RAB35: variants seen among roughly 807,000 people sequenced by gnomAD.
RAB35 encodes ras-related protein Rab-35.
A neutral mutation model predicts 28.9 loss-of-function variants in RAB35; 4 were observed. The observed-to-expected ratio is 0.14, with a 90% CI of 0.07 to 0.32. RAB35 has a LOEUF of 0.32. RAB35 is among the 10% of genes least tolerant of loss of function. The probability of loss-of-function intolerance (pLI) is 1.00; values close to 1 mark genes in which losing one functional copy is unlikely to be tolerated. For missense variants in RAB35, 128 were observed against 274.0 expected (o/e 0.47, Z 3.76); for synonymous variants, 99 against 105.1 (o/e 0.94, Z 0.35).
At chr12:120,098,529 A>T (rs1875528179) in intron 5 of RAB35, among the ~76,000 whole-genome samples, 1 of 152,228 alleles carries the variant, frequency 6.6e-6, no homozygotes. Context: ...TGTGGGACAG[A>T]GGTTTACTCA....
At chr12:120,108,890 A>C (rs150620657) in intron 1 of RAB35, among the ~76,000 whole-genome samples, 6 of 152,326 alleles carry the variant, frequency 3.9e-5, no homozygotes, top group African/African-American at 1.4e-4. Context: ...GCCGCCCAAA[A>C]TGAAGAGCTG....
At position 120,096,791 on chromosome 12, in the gene RAB35, C is replaced by T. The variant is rs1413357095; in HGVS notation, c.*454G>A. ...GCGGAGCCCACTCCACTGGCACGGG[C>T]TGGCCGCAGACGCAGCTAGAACGTG... On this transcript the variant is annotated 3_prime_UTR_variant, in exon 6 of 6. Transcript: ENST00000229340. 2 of 1,291,036 alleles carry T rather than the reference C, an allele frequency of 1.5e-6. No homozygotes were observed. Among genetic ancestry groups the T allele is most frequent in the South Asian group, 2.5e-5 (2 of 81,050 alleles). 80.0% of individuals were successfully genotyped at this position (1,291,036 alleles called of 1,614,324 possible). A position where few individuals can be genotyped will look rare whatever the true frequency, so the allele number is the denominator to read the frequency against.
At chr12:120,099,877 G>A (rs958007135) in intron 3 of RAB35, among the ~76,000 whole-genome samples, 1 of 150,102 alleles carries the variant, frequency 6.7e-6, no homozygotes, top group Non-Finnish European at 1.5e-5. Context: ...ATCCCCGGAG[G>A]AGGAGGGGGA....
At chr12:120,112,214 G>C (rs1876147519) in intron 1 of RAB35, among the ~76,000 whole-genome samples, 1 of 152,136 alleles carries the variant, frequency 6.6e-6, no homozygotes, top group Non-Finnish European at 1.5e-5. Context: ...CTGACCTCAA[G>C]TGATCCGCCT....
At position 120,096,056 on chromosome 12, in the gene RAB35, A is replaced by G. The variant is rs539769851; in HGVS notation, c.*1189T>C. On this transcript the variant is annotated 3_prime_UTR_variant, in exon 6 of 6. Transcript: ENST00000229340. ...CCCCAGCCATTCCTTCCCACCCGCC[A>G]GGAAATCCTCTTGCTACCTTTGTCC... 167 of 186,244 alleles carry G rather than the reference A, an allele frequency of 9.0e-4. No homozygotes were observed. Among genetic ancestry groups the G allele is most frequent in the Non-Finnish European group, 1.6e-3 (140 of 88,528 alleles). 11.5% of individuals were successfully genotyped at this position (186,244 alleles called of 1,614,324 possible). A position where few individuals can be genotyped will look rare whatever the true frequency, so the allele number is the denominator to read the frequency against.
chr12:120,102,060 C>A (rs540768460), intron 3 of RAB35, among the ~76,000 whole-genome samples: 1 of 152,118 alleles, frequency 6.6e-6, no homozygotes, highest in Non-Finnish European at 1.5e-5. Context: ...AGGCACAGGA[C>A]GGGGCAGGAA....
Position 120,096,672 on chromosome 12 carries a change from G to A in RAB35, c.*573C>T. The A allele has an allele frequency of 7.8e-7, 1 of 1,289,882 alleles. No homozygotes were observed. The highest frequency in any genetic ancestry group is 1.2e-5 in the South Asian group (1 of 81,032). 79.9% of individuals were successfully genotyped at this position (1,289,882 alleles called of 1,614,324 possible). On this transcript the variant is annotated 3_prime_UTR_variant, in exon 6 of 6. Transcript: ENST00000229340. ...GAATGGCTGTGGGGACAGGACAACG[G>A]GGAGGGAAGGGAGCTGGCACAGGCC...
At chr12:120,115,037 A>G (rs1172509128) in intron 1 of RAB35, among the ~76,000 whole-genome samples, 1 of 152,036 alleles carries the variant, frequency 6.6e-6, no homozygotes, top group African/African-American at 2.4e-5. Flanking sequence ...CCAAGAGAAC[A>G]CTCCAGAGCT....
chr12:120,109,228 C>T (rs1043659757), intron 1 of RAB35, among the ~76,000 whole-genome samples: 41 of 151,984 alleles, frequency 2.7e-4, no homozygotes, highest in Non-Finnish European at 4.4e-4. Context: ...CCGAGGCAGG[C>T]GGATCACCTG....
intron 1 of RAB35, among the ~76,000 whole-genome samples, chr12:120,109,795 C>A (rs949395901): frequency 1.3e-5 from 2 of 151,982 alleles, no homozygotes; most frequent in African/African-American, 4.8e-5. Context: ...TGAGCCACTG[C>A]GCCTGGACCT....
At chr12:120,113,208 T>C (rs1460720210) in intron 1 of RAB35, among the ~76,000 whole-genome samples, 1 of 141,590 alleles carries the variant, frequency 7.1e-6, no homozygotes, top group Non-Finnish European at 1.5e-5. Flanking sequence ...TTTTTTTTTT[T>C]TTAAGAGATG....
chr12:120,114,865 A>AGATGTCTTG (rs1404280366), intron 1 of RAB35, among the ~76,000 whole-genome samples: 5 of 152,238 alleles, frequency 3.3e-5, no homozygotes, highest in Non-Finnish European at 1.5e-5. Context: ...GCAGAGGTCC[A>AGATGTCTTG]GATGTCTTGC....
chr12:120,097,284 C>A lies in RAB35; in HGVS notation c.567G>T (p.Lys189Asn), dbSNP rs866327313. The change falls in exon 6 of 6, where the codon AAG (lysine) becomes AAT (asparagine). Residue 189 changes from lysine (K) to asparagine (N), a missense_variant. Transcript: ENST00000229340. ...QQQQQQNDVV[K>N]LTKNSKRKKR... ...TCTTTCGTTTACTGTTCTTCGTGAG[C>A]TTCACCACATCGTTCTGTTGTTGCT... 6.2e-7 allele frequency: 1 copy of A among 1,614,038 alleles called. No homozygotes were observed. Among genetic ancestry groups the A allele is most frequent in the Non-Finnish European group, 8.5e-7 (1 of 1,180,054 alleles).
rs769133831 is a variant in RAB35, at chr12:120,096,979, C to A, written c.*266G>T. 10 of 1,468,458 alleles carry A rather than the reference C, an allele frequency of 6.8e-6. 1 individual carries two copies. In the South Asian group the frequency reaches 1.2e-4, roughly 18 times the overall value. 91.0% of individuals were successfully genotyped at this position (1,468,458 alleles called of 1,614,324 possible). A position where few individuals can be genotyped will look rare whatever the true frequency, so the allele number is the denominator to read the frequency against. The stretch of plus-strand genomic sequence containing the variant: ...CTATGTACAGACTCTGCGAATCAGT[C>A]CGCTCGGCGGGCAGCGTCCTCGCCA... On this transcript the variant is annotated 3_prime_UTR_variant, in exon 6 of 6. Coordinates refer to ENST00000229340, the MANE Select transcript of RAB35 (RefSeq NM_006861.7).
chr12:120,099,272 TG>T (rs1875563625), intron 3 of RAB35, 118 bp from the exon 4 acceptor site: 1 of 1,353,612 alleles, frequency 7.4e-7, no homozygotes, highest in Admixed American at 2.1e-5. Flanking sequence ...CCCTGGAGCC[TG>T]GGCTCTCACT....
chr12:120,097,012 G>T lies in RAB35; in HGVS notation c.*233C>A. On this transcript the variant is annotated 3_prime_UTR_variant, in exon 6 of 6. Coordinates refer to ENST00000229340, the MANE Select transcript of RAB35 (RefSeq NM_006861.7). ...CGGGCAGCGTCCTCGCCAGGTCCAG[G>T]CGCCTTGGCCGGGGAGGAGGGGGCA... is the stretch of plus-strand genomic sequence containing the variant. 6.6e-7 allele frequency: 1 copy of T among 1,508,456 alleles called. No individual in the cohort carries two copies. The highest frequency in any genetic ancestry group is 8.9e-7 in the Non-Finnish European group (1 of 1,129,684). The allele number at this position is 1,508,456 out of a possible 1,614,324, so 93.4% of individuals were successfully genotyped here. A position where few individuals can be genotyped will look rare whatever the true frequency, so the allele number is the denominator to read the frequency against.
intron 1 of RAB35, among the ~76,000 whole-genome samples, chr12:120,114,998 A>G (rs748045882): frequency 6.6e-6 from 1 of 152,202 alleles, no homozygotes; most frequent in East Asian, 1.9e-4. Flanking sequence ...AAGAAGCCTC[A>G]AGACCCTGAA....
chr12:120,103,558 G>A lies in RAB35; in HGVS notation c.227+268C>T, dbSNP rs919455237. The stretch of plus-strand genomic sequence containing the variant: ...TGACGGCACAGTGGGCCGGAGGGTC[G>A]GCTGACTCTCCAAGGAGATAGAACA... On this transcript the variant is annotated intron_variant, in intron 3 of 5. Transcript: ENST00000229340. This position sits in a 1 kb window ranked among gnomAD's most constrained non-coding sequence, Gnocchi z 6.1. Among the ~76,000 whole-genome samples the A allele has an allele frequency of 2.6e-5, 4 of 152,208 alleles. No homozygotes were observed. Among genetic ancestry groups the A allele is most frequent in the South Asian group, 2.1e-4 (1 of 4,832 alleles).
In RAB35 at chr12:120,096,448, C is replaced by A; in HGVS notation, c.*797G>T. On this transcript the variant is annotated 3_prime_UTR_variant, in exon 6 of 6. Coordinates refer to ENST00000229340, the MANE Select transcript of RAB35 (RefSeq NM_006861.7). ...ATCCTCCCATAGCCCCCCTGCCAGC[C>A]CCATCTCTGCACGAACCTACCCCGA... 7.8e-7 allele frequency: 1 copy of A among 1,289,400 alleles called. No homozygotes were observed. Among genetic ancestry groups the A allele is most frequent in the Non-Finnish European group, 1.0e-6 (1 of 988,588 alleles). The allele number at this position is 1,289,400 out of a possible 1,614,324, so 79.9% of individuals were successfully genotyped here.
Sources: gnomAD v4.1 joint callset for allele counts (sites outside exome capture counted in the v4.1 genomes callset) on GRCh38, gnomAD v4.1.1 for gene constraint, Gnocchi (gnomAD v3.1) non-coding constraint, MANE v1.5 for transcripts, NCBI Gene and HGNC (gene_info 2026-07-23, HGNC 2026-07-21) for gene names.